The following DNAI4 variants were observed in gnomAD, a reference collection of about 807,000 sequenced individuals.
DNAI4 encodes the protein WD repeat domain 78.
Under a neutral mutation model 105.8 loss-of-function variants are expected in DNAI4, and 85 were observed. The ratio of observed to expected loss-of-function variants is 0.80; its 90% CI spans 0.67 to 0.96. DNAI4 has a LOEUF of 0.96. Ranked by LOEUF, DNAI4 falls within the 40% of genes least tolerant of loss-of-function variation. DNAI4 has a pLI of 0.00. For missense variants in DNAI4, 1,014 were observed against 1,005.6 expected, an observed-to-expected ratio of 1.01 and a Z score of -0.11; for synonymous variants, 352 against 331.5, an observed-to-expected ratio of 1.06 and a Z score of -0.67.
At chr1:66,876,045 T>C (rs1007629197) in intron 4 of DNAI4, among the ~76,000 whole-genome samples, 3 of 152,126 alleles carry the variant, frequency 2.0e-5, no homozygotes, top group Non-Finnish European at 4.4e-5. Flanking sequence ...CAAATCTTCT[T>C]TAGTTTTGGG....
chr1:66,874,868 A>T lies in DNAI4; in HGVS notation c.713T>A (p.Ile238Lys). 2 of 1,553,148 alleles carry T rather than the reference A, an allele frequency of 1.3e-6. No individual in the cohort carries two copies. Among genetic ancestry groups the T allele is most frequent in the Non-Finnish European group, 1.8e-6 (2 of 1,124,588 alleles). The change falls in exon 5 of 17, where the codon ATA becomes AAA. Residue 238 changes from isoleucine to lysine, a missense_variant. Coordinates refer to ENST00000371026, the MANE Select transcript of DNAI4 (RefSeq NM_024763.5). ...CAGTGTTTCTGTCTCTGTGAGTATT[A>T]TCTCTATATTCTTCTCCAGGTCTTC... ...TKEDLEKNIE[I>K]ILTETETLRF...
intron 4 of DNAI4, among the ~76,000 whole-genome samples, chr1:66,888,200 C>T (rs1647304935): frequency 6.6e-6 from 1 of 151,984 alleles, no homozygotes; most frequent in Non-Finnish European, 1.5e-5. Context: ...ACTGCTTAGG[C>T]CTAAACCCTA....
intron 8 of DNAI4, among the ~76,000 whole-genome samples, chr1:66,845,172 C>A: frequency 1.2e-5 from 1 of 85,094 alleles, no homozygotes. Flanking sequence ...GCCTGGGTGA[C>A]AGAGCGAAAC....
chr1:66,832,590 T>G (rs531765438), intron 13 of DNAI4, among the ~76,000 whole-genome samples: 2 of 152,170 alleles, frequency 1.3e-5, no homozygotes, highest in Admixed American at 1.3e-4. Flanking sequence ...ATGAATAATA[T>G]CTAGTATTTT....
At chr1:66,919,024 C>T (rs1467306571) in intron 1 of DNAI4, 3 of 404,388 alleles carry the variant, frequency 7.4e-6, no homozygotes, top group Non-Finnish European at 1.5e-5. Flanking sequence ...CTACCTGTGA[C>T]CTGGAAGCCC....
chr1:66,833,719 A>G lies in DNAI4; in HGVS notation c.1892-13T>C. 1 of 1,609,666 alleles carries G rather than the reference A, an allele frequency of 6.2e-7. No individual in the cohort carries two copies. ...AATCGCATCAAATCTGTATTTAAAG[A>G]AAAACATATATAACTTGTTATTTAC... On this transcript the variant is annotated splice_polypyrimidine_tract_variant and intron_variant, in intron 12 of 16. Transcript: ENST00000371026.
chr1:66,882,239 T>C (rs1265184065), intron 4 of DNAI4, among the ~76,000 whole-genome samples: 1 of 152,242 alleles, frequency 6.6e-6, no homozygotes, highest in African/African-American at 2.4e-5. Flanking sequence ...CTATTTGATT[T>C]GCAAACAATT....
At chr1:66,878,768 C>A (rs1302455725) in intron 4 of DNAI4, among the ~76,000 whole-genome samples, 1 of 152,156 alleles carries the variant, frequency 6.6e-6, no homozygotes, top group African/African-American at 2.4e-5. Flanking sequence ...CAATTACTTA[C>A]ATGTTCAATC....
intron 4 of DNAI4, among the ~76,000 whole-genome samples, chr1:66,879,477 C>T (rs1051835334): frequency 6.6e-6 from 1 of 152,168 alleles, no homozygotes; most frequent in Non-Finnish European, 1.5e-5. Flanking sequence ...ATTGATGATT[C>T]AGCTGCTAGA....
chr1:66,922,998 C>T (rs79454767), intron 1 of DNAI4, among the ~76,000 whole-genome samples: 1 of 152,128 alleles, frequency 6.6e-6, no homozygotes, highest in Non-Finnish European at 1.5e-5. Flanking sequence ...CCTGGATCAT[C>T]AACAATGAAT....
intron 1 of DNAI4, chr1:66,907,024 T>A (rs1201127970): frequency 6.6e-6 from 1 of 152,154 alleles, no homozygotes; most frequent in Non-Finnish European, 1.5e-5. Flanking sequence ...CCTGTGAGCA[T>A]AAAATTATGC....
At chr1:66,902,153 G>T (rs192595910) in intron 2 of DNAI4, among the ~76,000 whole-genome samples, 5 of 152,162 alleles carry the variant, frequency 3.3e-5, no homozygotes, top group Admixed American at 3.3e-4. Flanking sequence ...ATTTTTCATA[G>T]TGGCCACACC....
intron 6 of DNAI4, among the ~76,000 whole-genome samples, chr1:66,867,009 A>C (rs2101988): frequency 0.024 from 3,672 of 152,180 alleles, 137 homozygotes; most frequent in African/African-American, 0.084. Context: ...AAACCATCAG[A>C]TCTCATGAGA....
chr1:66,855,262 A>G lies in DNAI4; in HGVS notation c.1096+6885T>C, dbSNP rs192924997. Among the ~76,000 whole-genome samples the G allele has an allele frequency of 1.2e-4, 18 of 152,330 alleles. 1 individual carries two copies. In the East Asian group the frequency reaches 3.5e-3, roughly 29 times the overall value. On this transcript the variant is annotated intron_variant, in intron 7 of 16. Coordinates refer to ENST00000371026, the MANE Select transcript of DNAI4 (RefSeq NM_024763.5). The stretch of plus-strand genomic sequence containing the variant: ...ACCATTCCTTTCCCTAGTAACCACA[A>G]TAAAGGCTCTTGCCCATGTTTTCCC...
At chr1:66,915,245 G>A (rs937161748) in intron 1 of DNAI4, among the ~76,000 whole-genome samples, 1 of 152,194 alleles carries the variant, frequency 6.6e-6, no homozygotes, top group Admixed American at 6.5e-5. Context: ...TAGTCCACAG[G>A]CAATAAGGAG....
intron 15 of DNAI4, among the ~76,000 whole-genome samples, chr1:66,823,753 G>A (rs1234102360): frequency 6.7e-6 from 1 of 148,270 alleles, no homozygotes; most frequent in Non-Finnish European, 1.5e-5. Flanking sequence ...TTTTGATGGG[G>A]TTGTTTGTTT....
chr1:66,894,202 G>C (rs1031134413), intron 2 of DNAI4, among the ~76,000 whole-genome samples: 10 of 152,142 alleles, frequency 6.6e-5, no homozygotes, highest in Admixed American at 6.5e-4. Flanking sequence ...ATTGTTATAA[G>C]AGATGATAGC....
chr1:66,904,252 T>C (rs1649068406), intron 2 of DNAI4, among the ~76,000 whole-genome samples: 1 of 152,150 alleles, frequency 6.6e-6, no homozygotes, highest in African/African-American at 2.4e-5. Context: ...ATGGAATAGC[T>C]GGATGATATA....
chr1:66,837,465 C>T, intron 10 of DNAI4: 1 of 356,996 alleles, frequency 2.8e-6, no homozygotes, highest in Non-Finnish European at 5.0e-6. Context: ...TTCAACTCTT[C>T]ATCATCATAT....
Sources: allele counts gnomAD v4.1 joint callset (sites outside exome capture counted in the v4.1 genomes callset), GRCh38; gene constraint gnomAD v4.1.1; transcripts MANE v1.5; gene names NCBI Gene and HGNC (gene_info 2026-07-23, HGNC 2026-07-21).